SRR: variants seen among roughly 807,000 people sequenced by gnomAD.
SRR encodes the protein D-serine ammonia-lyase.
SRR carries 19 observed loss-of-function variants against 32.7 expected under a neutral mutation model. The observed-to-expected ratio is 0.58, with a 90% CI of 0.40 to 0.85. The LOEUF is 0.85. Ranked by LOEUF, SRR falls within the 40% of genes least tolerant of loss-of-function variation. The probability of loss-of-function intolerance (pLI) is 0.00; values close to 1 mark genes in which losing one functional copy is unlikely to be tolerated. For missense variants in SRR, 373 were observed against 404.7 expected, an observed-to-expected ratio of 0.92 and a Z score of 0.67; for synonymous variants, 142 against 140.9, an observed-to-expected ratio of 1.01 and a Z score of -0.06.
chr17:2,303,824 T>TCCCCGCCCCCTGCCGCCCTCC, upstream of SRR: 1 of 848,310 alleles, frequency 1.2e-6, no homozygotes, highest in Admixed American at 4.0e-5. Flanking sequence ...TCCCGGCCTT[T>TCCCCGCCCCCTGCCGCCCTCC]CCCCGCCCCC....
intron 1 of SRR, among the ~76,000 whole-genome samples, chr17:2,306,422 AAC>A (rs2075390730): frequency 6.6e-6 from 1 of 150,454 alleles, no homozygotes; most frequent in Non-Finnish European, 1.5e-5. Context: ...TTTTTTTAAA[AAC>A]AACAATTTTA....
At chr17:2,317,757 G>A in intron 2 of SRR, 113 bp from the exon 3 acceptor site, 1 of 1,146,866 alleles carries the variant, frequency 8.7e-7, no homozygotes, top group Non-Finnish European at 1.2e-6. Flanking sequence ...AAATCGATAA[G>A]ATTTGGTGAC....
At position 2,318,131 on chromosome 17, in the gene SRR, C is replaced by T. The variant is rs1054481309; in HGVS notation, c.295+135C>T. The stretch of plus-strand genomic sequence containing the variant: ...TCTATCTGATTGCAAGCAATATGAA[C>T]ATAAGTTTTTTTTTTGTTTGTTTTG... On this transcript the variant is annotated intron_variant, in intron 3 of 7. Transcript: ENST00000344595. 7 of 1,058,616 alleles carry T rather than the reference C, an allele frequency of 6.6e-6. No homozygotes were observed. In the Admixed American group the frequency reaches 2.1e-4, roughly 32 times the overall value. 65.6% of individuals were successfully genotyped at this position (1,058,616 alleles called of 1,614,324 possible).
chr17:2,307,193 A>G (rs978882193), intron 1 of SRR: 13 of 1,364,512 alleles, frequency 9.5e-6, no homozygotes, highest in Middle Eastern at 5.0e-4. Flanking sequence ...AGTGGCAAGA[A>G]AAGGGGCTTT....
At chr17:2,303,920 G>C (rs890391719), upstream of SRR, 1 of 401,780 alleles carries the variant, frequency 2.5e-6, no homozygotes, top group Non-Finnish European at 4.4e-6. Context: ...ACCGGAGCGA[G>C]AGCCTGGGTG....
chr17:2,306,958 G>C (rs2151428167), intron 1 of SRR: 2 of 1,201,282 alleles, frequency 1.7e-6, no homozygotes, highest in Non-Finnish European at 2.4e-6. Flanking sequence ...CACTGAGGAG[G>C]AGGTGGATGC....
chr17:2,308,739 T>G (rs1275679361), intron 1 of SRR, among the ~76,000 whole-genome samples: 1 of 152,072 alleles, frequency 6.6e-6, no homozygotes, highest in Non-Finnish European at 1.5e-5. Flanking sequence ...GAGAATCACT[T>G]GAACCCAAGA....
intron 1 of SRR, chr17:2,307,639 ACTTTAC>A: frequency 1.1e-6 from 1 of 950,888 alleles, no homozygotes; most frequent in Non-Finnish European, 1.7e-6. Flanking sequence ...GCAGGCCAAT[ACTTTAC>A]CAAACCACGA....
intron 2 of SRR, among the ~76,000 whole-genome samples, chr17:2,317,207 G>A (rs12951256): frequency 0.33 from 17,558 of 53,646 alleles, 2,253 homozygotes; most frequent in Non-Finnish European, 0.39. Flanking sequence ...CATCTCGGGG[G>A]AAAAAAAAAA....
At position 2,324,398 on chromosome 17, in the gene SRR, G is replaced by A. The variant is rs372240808; in HGVS notation, c.*525G>A. On this transcript the variant is annotated 3_prime_UTR_variant, in exon 8 of 8. Coordinates refer to ENST00000344595, the MANE Select transcript of SRR (RefSeq NM_021947.3). ...ACCTAGAAAGACATCAGAACAAGTC[G>A]GTCAAATTAAAAGTAGAAAATTTTA... The A allele has an allele frequency of 1.7e-4, 271 of 1,593,536 alleles. No individual in the cohort carries two copies. The highest frequency in any genetic ancestry group is 2.2e-4 in the Non-Finnish European group (260 of 1,171,138).
In SRR at chr17:2,321,396, G is replaced by C; in HGVS notation, c.490G>C (p.Gly164Arg). 1 of 1,612,504 alleles carries C rather than the reference G, an allele frequency of 6.2e-7. No homozygotes were observed. Among genetic ancestry groups the C allele is most frequent in the Non-Finnish European group, 8.5e-7 (1 of 1,179,482 alleles). Reference sequence around the variant, plus strand: ...GGAGCCTGCAGTGATAGCTGGACAAGGGACAATTGCCCTGGAAGTGCTGAA... The same window carrying C: ...GGAGCCTGCAGTGATAGCTGGACAACGGACAATTGCCCTGGAAGTGCTGAA... ...NQEPAVIAGQ[G>R]TIALEVLNQV... Residue 164 changes from glycine (G) to arginine (R), a missense_variant, in exon 5 of 8, where the codon GGG becomes CGG. Gly to Arg is a moderately radical substitution (Grantham distance 125). Coordinates refer to ENST00000344595, the MANE Select transcript of SRR (RefSeq NM_021947.3).
Position 2,321,615 on chromosome 17 carries a change from A to G in SRR, c.593A>G (p.Lys198Arg). Residue 198 changes from lysine to arginine, a missense_variant and splice_region_variant, in exon 6 of 8, where the codon AAG becomes AGG. Transcript: ENST00000344595. ...GMLAGIAITV[K>R]ALKPSVKVYA... ...CTTGCTGGAATAGCAATTACAGTTA[A>G]GGTGAGCAGCTTCTGGAGGATTCCC... 1 of 1,613,892 alleles carries G rather than the reference A, an allele frequency of 6.2e-7. No homozygotes were observed. Among genetic ancestry groups the G allele is most frequent in the South Asian group, 1.1e-5 (1 of 91,078 alleles).
Position 2,324,158 on chromosome 17 carries a change from C to G in SRR, c.*285C>G, listed in dbSNP as rs746077123. 6.6e-7 allele frequency: 1 copy of G among 1,511,812 alleles called. No homozygotes were observed. Among genetic ancestry groups the G allele is most frequent in the African/African-American group, 1.4e-5 (1 of 71,738 alleles). 93.6% of individuals were successfully genotyped at this position (1,511,812 alleles called of 1,614,324 possible). A position where few individuals can be genotyped will look rare whatever the true frequency, so the allele number is the denominator to read the frequency against. On this transcript the variant is annotated 3_prime_UTR_variant, in exon 8 of 8. Coordinates refer to ENST00000344595, the MANE Select transcript of SRR (RefSeq NM_021947.3). ...ACTTGTGCCTCCCATCCCTGGAGTA[C>G]TGACTGGCACCGGTAAGACAGAATC...
At chr17:2,309,638 G>GT (rs1160397600) in intron 1 of SRR, 1 of 152,510 alleles carries the variant, frequency 6.6e-6, no homozygotes, top group Non-Finnish European at 1.5e-5. Flanking sequence ...GAATATACAT[G>GT]TATCTTTGAA....
In SRR at chr17:2,315,560, C is replaced by T. The variant is rs781498865; in HGVS notation, c.-1C>T. ...CTTTCTTATTCCTGGGTTTCAGAACCATGTGTGCTCAGTATTGCATCTCCT... is the reference window on the plus strand; with the variant it reads ...CTTTCTTATTCCTGGGTTTCAGAACTATGTGTGCTCAGTATTGCATCTCCT... On this transcript the variant is annotated 5_prime_UTR_variant, in exon 2 of 8. Coordinates refer to ENST00000344595, the MANE Select transcript of SRR (RefSeq NM_021947.3). 6.2e-7 allele frequency: 1 copy of T among 1,609,410 alleles called. No individual in the cohort carries two copies. The highest frequency in any genetic ancestry group is 8.5e-7 in the Non-Finnish European group (1 of 1,178,288).
At position 2,321,340 on chromosome 17, in the gene SRR, A is replaced by T. The variant is rs376628319; in HGVS notation, c.434A>T (p.Glu145Val). The change falls in exon 5 of 8, where the codon GAA becomes GTA. Residue 145 changes from glutamate to valine, a missense_variant. By Grantham distance (121) the Glu-to-Val change is moderately radical. Transcript: ENST00000344595. ...AATGTTGCAAAAAGAGTTACAGAAG[A>T]AACAGAAGGCATCATGGTACATCCC... ...RENVAKRVTE[E>V]TEGIMVHPNQ... 52 of 1,613,572 alleles carry T rather than the reference A, an allele frequency of 3.2e-5. No homozygotes were observed. Among genetic ancestry groups the T allele is most frequent in the Non-Finnish European group, 4.1e-5 (48 of 1,179,922 alleles).
chr17:2,313,359 G>A (rs1289561855), intron 1 of SRR, among the ~76,000 whole-genome samples: 1 of 151,474 alleles, frequency 6.6e-6, no homozygotes, highest in African/African-American at 2.4e-5. Context: ...GAACCTGGGA[G>A]GCAGAGGTTG....
At chr17:2,307,490 T>C in intron 1 of SRR, 3 of 1,437,380 alleles carry the variant, frequency 2.1e-6, no homozygotes, top group Non-Finnish European at 1.9e-6. Context: ...GGGATGGCTA[T>C]AATGGATTTG....
upstream of SRR, chr17:2,303,729 C>T: frequency 6.7e-7 from 1 of 1,491,520 alleles, no homozygotes; most frequent in Non-Finnish European, 8.9e-7. Flanking sequence ...ATCTTCGCGG[C>T]TGCTGCTACA....
Sources: gnomAD v4.1 joint callset for allele counts (sites outside exome capture counted in the v4.1 genomes callset) on GRCh38, gnomAD v4.1.1 for gene constraint, MANE v1.5 for transcripts, NCBI Gene and HGNC (gene_info 2026-07-23, HGNC 2026-07-21) for gene names.